The following NCOA7 variants were observed in gnomAD, a reference collection of about 807,000 sequenced individuals.
NCOA7 encodes the protein 140 kDa estrogen receptor-associated protein.
Under a neutral mutation model 104.3 loss-of-function variants are expected in NCOA7, and 45 were observed. The observed-to-expected ratio is 0.43, with a 90% CI of 0.34 to 0.55. NCOA7 has a LOEUF of 0.55. NCOA7 is among the 20% of genes least tolerant of loss of function. The pLI is 0.02. For synonymous variants in NCOA7, 398 were observed against 402.3 expected (o/e 0.99, Z 0.13); for missense variants, 1,041 against 1,119.7 (o/e 0.93, Z 1.00).
At chr6:125,806,576 G>A (rs1776474401) in intron 1 of NCOA7, among the ~76,000 whole-genome samples, 1 of 152,140 alleles carries the variant, frequency 6.6e-6, no homozygotes, top group Non-Finnish European at 1.5e-5. Flanking sequence ...ATTGGTTGTG[G>A]TACCCTTTCC....
At chr6:125,904,613 C>T (rs1346645074) in intron 10 of NCOA7, among the ~76,000 whole-genome samples, 2 of 152,140 alleles carry the variant, frequency 1.3e-5, no homozygotes, top group Non-Finnish European at 2.9e-5. Flanking sequence ...GAAGCCTTCC[C>T]CTACCCCAGC....
At chr6:125,905,662 A>G (rs971225599) in intron 10 of NCOA7, among the ~76,000 whole-genome samples, 2 of 152,234 alleles carry the variant, frequency 1.3e-5, no homozygotes, top group African/African-American at 4.8e-5. Context: ...TCAGAATAGA[A>G]GAGTTCAGGA....
At chr6:125,914,810 G>A (rs372419375) in intron 10 of NCOA7, among the ~76,000 whole-genome samples, 8 of 152,116 alleles carry the variant, frequency 5.3e-5, no homozygotes, top group Non-Finnish European at 4.4e-5. Flanking sequence ...ACATTCCTGC[G>A]TCAATAAAAT....
intron 1 of NCOA7, among the ~76,000 whole-genome samples, chr6:125,782,209 G>T (rs1441487430): frequency 1.3e-5 from 2 of 151,988 alleles, no homozygotes; most frequent in Non-Finnish European, 2.9e-5. Context: ...TAGCTACTAG[G>T]ATATTTAAAA....
At chr6:125,847,331 C>G (rs1780708229) in intron 2 of NCOA7, among the ~76,000 whole-genome samples, 1 of 152,130 alleles carries the variant, frequency 6.6e-6, no homozygotes, top group Non-Finnish European at 1.5e-5. Context: ...AGAGTAACCA[C>G]TAGGACATGA....
In NCOA7 at chr6:125,922,783, G is replaced by A. The variant is rs201421562; in HGVS notation, c.2472G>A (p.Ser824=). Reference sequence around the variant, plus strand: ...GCTTAAAGACGCTCTACCGGAAATCGGCATCACTAGACAGTCCTGTCCTAT... The same window carrying A: ...GCTTAAAGACGCTCTACCGGAAATCAGCATCACTAGACAGTCCTGTCCTAT... ...GTSLKTLYRK[S]ASLDSPVLLV... The change falls in exon 13 of 16, where the codon TCG becomes TCA. Residue 824 remains serine, a synonymous_variant. Coordinates refer to ENST00000392477, the MANE Select transcript of NCOA7 (RefSeq NM_181782.5). The A allele has an allele frequency of 6.9e-5, 111 of 1,614,064 alleles. No homozygotes were observed. Among genetic ancestry groups the A allele is most frequent in the Non-Finnish European group, 8.6e-5 (101 of 1,180,002 alleles).
chr6:125,906,651 A>G (rs1179270560), intron 10 of NCOA7, among the ~76,000 whole-genome samples: 2 of 152,172 alleles, frequency 1.3e-5, no homozygotes, highest in African/African-American at 4.8e-5. Flanking sequence ...ATATGAACCC[A>G]GAAGAGGCTG....
In NCOA7 at chr6:125,852,183, G is replaced by A. The variant is rs774724128; in HGVS notation, c.51-2837G>A. 5.9e-5 allele frequency among the ~76,000 whole-genome samples: 9 copies of A among 151,974 alleles called. 1 individual carries two copies. The South Asian group carries it at 6.2e-4, about 11-fold the overall frequency. ...AATTCTTTGCTTAGGCCAATGTCCG[G>A]AAGAGTTTTTTTGTTTGTTTGTTTC... On this transcript the variant is annotated intron_variant, in intron 2 of 15. Transcript: ENST00000392477.
chr6:125,803,496 T>C (rs933982611), intron 1 of NCOA7, among the ~76,000 whole-genome samples: 1 of 152,222 alleles, frequency 6.6e-6, no homozygotes, highest in African/African-American at 2.4e-5. Context: ...CAAGGCACTA[T>C]TTAGGAGTAA....
At chr6:125,811,391 G>A (rs1308719032) in intron 1 of NCOA7, among the ~76,000 whole-genome samples, 1 of 152,220 alleles carries the variant, frequency 6.6e-6, no homozygotes, top group Non-Finnish European at 1.5e-5. Context: ...TGACTTGAAG[G>A]AATTTATGGT....
In NCOA7 at chr6:125,855,203, G is replaced by A. The variant is rs1260244774; in HGVS notation, c.234G>A (p.Glu78=). The A allele has an allele frequency of 6.2e-7, 1 of 1,612,322 alleles. No individual in the cohort carries two copies. The highest frequency in any genetic ancestry group is 1.3e-5 in the African/African-American group (1 of 75,020). ...KKKRKSNQLK[E]IRRTELKRYY... Reference sequence around the variant, plus strand: ...AGAGAAAAAGTAATCAGTTAAAGGAGATCAGGCGTACAGAACTAAAGAGAT... The same window carrying A: ...AGAGAAAAAGTAATCAGTTAAAGGAAATCAGGCGTACAGAACTAAAGAGAT... The change falls in exon 3 of 16, where the codon GAG becomes GAA. Residue 78 remains glutamate, a synonymous_variant. Transcript: ENST00000392477.
intron 1 of NCOA7, among the ~76,000 whole-genome samples, chr6:125,783,158 A>G (rs116393502): frequency 0.016 from 2,471 of 152,332 alleles, 64 homozygotes; most frequent in African/African-American, 0.056. Context: ...TCTGAACTAC[A>G]GAACTGTAAG....
intron 11 of NCOA7, among the ~76,000 whole-genome samples, chr6:125,919,584 G>A (rs1787391092): frequency 6.6e-6 from 1 of 152,178 alleles, no homozygotes; most frequent in African/African-American, 2.4e-5. Flanking sequence ...GGGTTATGGT[G>A]TGGTTGCCTC....
intron 1 of NCOA7, among the ~76,000 whole-genome samples, chr6:125,811,158 T>G (rs1776966858): frequency 6.6e-6 from 1 of 152,240 alleles, no homozygotes; most frequent in Non-Finnish European, 1.5e-5. Context: ...GATTCTGATC[T>G]TTCCTGGAGT....
chr6:125,815,057 G>A (rs867489272), intron 1 of NCOA7, among the ~76,000 whole-genome samples: 2 of 152,116 alleles, frequency 1.3e-5, no homozygotes, highest in East Asian at 1.9e-4. Flanking sequence ...TAGTTGTGAG[G>A]AAAATACTGC....
At chr6:125,842,029 A>G (rs1040476665) in intron 2 of NCOA7, among the ~76,000 whole-genome samples, 2 of 151,210 alleles carry the variant, frequency 1.3e-5, no homozygotes, top group Admixed American at 6.6e-5. Flanking sequence ...TCAGATTAAT[A>G]TAAGAGTTTA....
chr6:125,925,772 G>T (rs915125136), intron 13 of NCOA7, among the ~76,000 whole-genome samples: 6 of 152,054 alleles, frequency 3.9e-5, no homozygotes, highest in African/African-American at 1.4e-4. Flanking sequence ...TTTCTGGGTT[G>T]CTCTTCATCT....
In NCOA7 at chr6:125,931,383, T is replaced by A. The variant is rs1385612645; in HGVS notation, c.*2612T>A. 6.6e-6 allele frequency: 1 copy of A among 152,170 alleles called. No individual in the cohort carries two copies. Among genetic ancestry groups the A allele is most frequent in the Non-Finnish European group, 1.5e-5 (1 of 68,036 alleles). The allele number at this position is 152,170 out of a possible 1,614,324, so 9.4% of individuals were successfully genotyped here. ...TCTAGCTGTGCAATGAATGACAACC[T>A]CCTCCTCTTAACATCTGTCTTAACC... On this transcript the variant is annotated 3_prime_UTR_variant, in exon 16 of 16. Coordinates refer to ENST00000392477, the MANE Select transcript of NCOA7 (RefSeq NM_181782.5).
chr6:125,827,746 A>G (rs377756317), intron 2 of NCOA7, among the ~76,000 whole-genome samples: 8 of 152,348 alleles, frequency 5.3e-5, no homozygotes, highest in Admixed American at 6.5e-5. Flanking sequence ...TTAAAGTGAC[A>G]AAAAGCTTGG....
Sources: gnomAD v4.1 joint callset for allele counts (sites outside exome capture counted in the v4.1 genomes callset) on GRCh38, gnomAD v4.1.1 for gene constraint, MANE v1.5 for transcripts, NCBI Gene and HGNC (gene_info 2026-07-23, HGNC 2026-07-21) for gene names.